The following LAMA2 variants were observed in gnomAD, a reference collection of about 807,000 sequenced individuals.
The protein encoded by LAMA2 is laminin subunit alpha-2.
In LAMA2, 269 loss-of-function variants were observed where a neutral mutation model predicts 364.8. The ratio of observed to expected loss-of-function variants is 0.74; its 90% CI spans 0.67 to 0.82. The LOEUF is 0.82. Among genes scored for constraint, LAMA2 ranks in the 40% least tolerant of loss-of-function variants. The pLI, the probability that LAMA2 is intolerant of heterozygous loss-of-function variation, is 0.00. For synonymous variants in LAMA2, 1,379 were observed against 1,370.6 expected (o/e 1.01, Z -0.14); for missense variants, 3,807 against 3,873.2 (o/e 0.98, Z 0.45).
intron 10 of LAMA2, 57 bp downstream of exon 10, chr6:129,177,923 G>T: frequency 6.5e-7 from 1 of 1,548,356 alleles, no homozygotes; most frequent in African/African-American, 1.4e-5. Flanking sequence ...ATTTTTCTTG[G>T]CTTCTCTGTT....
At position 129,313,020 on chromosome 6, in the gene LAMA2, G is replaced by A; in HGVS notation, c.3334G>A (p.Gly1112Arg). The change falls in exon 23 of 65, where the codon GGG becomes AGG. Residue 1112 changes from glycine to arginine, a missense_variant. By Grantham distance (125) the Gly-to-Arg change is moderately radical (BLOSUM62 -2). Coordinates refer to ENST00000421865, the MANE Select transcript of LAMA2 (RefSeq NM_000426.4). ...CAATCTCTGTGACTGCTTCCTCCCTGGGACAGATGCCACAACCTGTGATTC... is the reference window on the plus strand; with the variant it reads ...CAATCTCTGTGACTGCTTCCTCCCTAGGACAGATGCCACAACCTGTGATTC... ...RCNLCDCFLP[G>R]TDATTCDSET... The A allele has an allele frequency of 6.2e-7, 1 of 1,614,128 alleles. No homozygotes were observed. Among genetic ancestry groups the A allele is most frequent in the Non-Finnish European group, 8.5e-7 (1 of 1,179,996 alleles).
rs189728652 is a variant in LAMA2, at chr6:129,481,958, A to G, written c.7749+519A>G. On this transcript the variant is annotated intron_variant, in intron 55 of 64. Coordinates refer to ENST00000421865, the MANE Select transcript of LAMA2 (RefSeq NM_000426.4). ...GGGAGAAAGCAAGTAGAACACAACC[A>G]ACACAGACAGGGACAATTTTATCCC... Among the ~76,000 whole-genome samples, 62 of 152,268 alleles carry G rather than the reference A, an allele frequency of 4.1e-4. 3 individuals carry two copies. Among genetic ancestry groups the G allele is most frequent in the African/African-American group, 1.5e-3 (61 of 41,562 alleles).
intron 12 of LAMA2, among the ~76,000 whole-genome samples, chr6:129,214,294 G>A (rs925531026): frequency 6.6e-6 from 1 of 152,112 alleles, no homozygotes; most frequent in Admixed American, 6.6e-5. Flanking sequence ...AAACACAAGA[G>A]GGAGCCTTCC....
At chr6:128,933,293 A>G (rs551863880) in intron 1 of LAMA2, among the ~76,000 whole-genome samples, 3 of 151,064 alleles carry the variant, frequency 2.0e-5, no homozygotes, top group East Asian at 1.9e-4. Flanking sequence ...TGTGTATACT[A>G]TATTTACTTT....
chr6:129,297,826 G>A lies in LAMA2; in HGVS notation c.2998G>A (p.Ala1000Thr), dbSNP rs770774752. 1 of 1,613,802 alleles carries A rather than the reference G, an allele frequency of 6.2e-7. No individual in the cohort carries two copies. The highest frequency in any genetic ancestry group is 8.5e-7 in the Non-Finnish European group (1 of 1,179,922). The change falls in exon 21 of 65, where the codon GCC becomes ACC. Residue 1000 changes from alanine (A) to threonine (T), a missense_variant. Ala to Thr is a moderately conservative substitution (Grantham distance 58, BLOSUM62 0). Transcript: ENST00000421865. ...CACAGGGAAGAAATGTGACCGCTGT[G>A]CCCACGGCTATTTCAACTTCCAAGA... is the stretch of plus-strand genomic sequence containing the variant. ...GVTGKKCDRC[A>T]HGYFNFQEGG...
intron 1 of LAMA2, among the ~76,000 whole-genome samples, chr6:129,006,027 CT>C (rs1784426143): frequency 6.6e-6 from 1 of 151,728 alleles, no homozygotes; most frequent in Non-Finnish European, 1.5e-5. Context: ...TATACTTAAC[CT>C]TATTTTTCGC....
intron 1 of LAMA2, among the ~76,000 whole-genome samples, chr6:128,902,700 G>T (rs1039809036): frequency 7.9e-5 from 12 of 152,108 alleles, no homozygotes; most frequent in Admixed American, 2.0e-4. Flanking sequence ...TGTTTTTAGA[G>T]ACAGGGTCTC....
chr6:129,167,064 A>G (rs1779790842), intron 9 of LAMA2, among the ~76,000 whole-genome samples: 1 of 152,152 alleles, frequency 6.6e-6, no homozygotes, highest in Non-Finnish European at 1.5e-5. Flanking sequence ...TAAATTCTTA[A>G]TAGTAAAGAA....
chr6:129,128,731 A>G (rs1777267710), intron 4 of LAMA2, among the ~76,000 whole-genome samples: 1 of 152,206 alleles, frequency 6.6e-6, no homozygotes, highest in South Asian at 2.1e-4. Context: ...GGTTAAATTT[A>G]TTCCTAAGCA....
intron 40 of LAMA2, among the ~76,000 whole-genome samples, chr6:129,425,665 AT>A (rs903584335): frequency 2.6e-5 from 4 of 152,198 alleles, no homozygotes; most frequent in East Asian, 1.9e-4. Context: ...GCTCCCACTT[AT>A]AAATGAGAAC....
At chr6:129,227,741 G>C (rs1486324992) in intron 12 of LAMA2, among the ~76,000 whole-genome samples, 1 of 152,154 alleles carries the variant, frequency 6.6e-6, no homozygotes, top group Non-Finnish European at 1.5e-5. Context: ...TGCCCCTACT[G>C]GGTGGTGCCT....
In LAMA2 at chr6:129,312,252, G is replaced by T. The variant is rs147742443; in HGVS notation, c.3175-609G>T. ...GTATACATCTTGGGCGAAGAAAAAC[G>T]TTACTAACAGAGACCTCAAATCAGA... On this transcript the variant is annotated intron_variant, in intron 22 of 64. Coordinates refer to ENST00000421865, the MANE Select transcript of LAMA2 (RefSeq NM_000426.4). Among the ~76,000 whole-genome samples, 15 of 151,940 alleles carry T rather than the reference G, an allele frequency of 9.9e-5. No homozygotes were observed. In the East Asian group the frequency reaches 2.9e-3, roughly 29 times the overall value.
At chr6:128,933,607 T>C (rs1257344449) in intron 1 of LAMA2, among the ~76,000 whole-genome samples, 1 of 152,200 alleles carries the variant, frequency 6.6e-6, no homozygotes, top group East Asian at 1.9e-4. Flanking sequence ...TTTTATATAA[T>C]AGCCATGCTA....
At chr6:129,148,730 C>G (rs1476160825) in intron 6 of LAMA2, among the ~76,000 whole-genome samples, 3 of 152,080 alleles carry the variant, frequency 2.0e-5, no homozygotes, top group Non-Finnish European at 4.4e-5. Flanking sequence ...CCACTCCCAG[C>G]TGGGCCTTCC....
At chr6:129,038,994 T>C (rs1786881433) in intron 1 of LAMA2, among the ~76,000 whole-genome samples, 1 of 152,246 alleles carries the variant, frequency 6.6e-6, no homozygotes, top group African/African-American at 2.4e-5. Context: ...ATTTGCCATA[T>C]TTTTCTCAAG....
intron 19 of LAMA2, among the ~76,000 whole-genome samples, 162 bp from the exon 20 acceptor site, chr6:129,291,452 G>A (rs960142101): frequency 6.6e-6 from 1 of 152,194 alleles, no homozygotes; most frequent in African/African-American, 2.4e-5. Flanking sequence ...TTGTTATAGG[G>A]ATTAAATGAT....
chr6:129,439,543 C>A (rs1437508269), intron 42 of LAMA2, among the ~76,000 whole-genome samples: 1 of 152,054 alleles, frequency 6.6e-6, no homozygotes, highest in Non-Finnish European at 1.5e-5. Flanking sequence ...AATTCAATTT[C>A]TTTAACTATT....
Position 128,892,674 on chromosome 6 carries a change from G to A in LAMA2, c.112+9317G>A, listed in dbSNP as rs903840646. ...CTTCAGTGGAAAGTCTAATTGGATTGCAGAAAATCTCTCAATATAGATTGT... is the reference window on the plus strand; with the variant it reads ...CTTCAGTGGAAAGTCTAATTGGATTACAGAAAATCTCTCAATATAGATTGT... On this transcript the variant is annotated intron_variant, in intron 1 of 64. Coordinates refer to ENST00000421865, the MANE Select transcript of LAMA2 (RefSeq NM_000426.4). Among the ~76,000 whole-genome samples, 17 of 151,918 alleles carry A rather than the reference G, an allele frequency of 1.1e-4. 1 individual carries two copies. Among genetic ancestry groups the A allele is most frequent in the Admixed American group, 9.2e-4 (14 of 15,242 alleles).
Position 129,503,132 on chromosome 6 carries a change from G to T in LAMA2, c.8399G>T (p.Gly2800Val), listed in dbSNP as rs749056462. Residue 2800 changes from glycine to valine, a missense_variant, in exon 60 of 65, where the codon GGC (glycine) becomes GTC (valine). By Grantham distance (109) the Gly-to-Val change is moderately radical (BLOSUM62 -3). Transcript: ENST00000421865. ...ELEVRTEAESGLLFYMARINH... is the reference protein window; with the variant it reads ...ELEVRTEAESVLLFYMARINH... Reference sequence around the variant, plus strand: ...GAAGTAAGAACCGAAGCTGAATCCGGCTTGCTTTTTTACATGGCTCGCATC... The same window carrying T: ...GAAGTAAGAACCGAAGCTGAATCCGTCTTGCTTTTTTACATGGCTCGCATC... The T allele has an allele frequency of 1.4e-5, 23 of 1,614,144 alleles. No individual in the cohort carries two copies. The highest frequency in any genetic ancestry group is 1.9e-5 in the Non-Finnish European group (23 of 1,180,012).
Sources: allele counts gnomAD v4.1 joint callset (sites outside exome capture counted in the v4.1 genomes callset), GRCh38; gene constraint gnomAD v4.1.1; transcripts MANE v1.5; gene names NCBI Gene and HGNC (gene_info 2026-07-23, HGNC 2026-07-21).